Variants in ST6GAL1 observed in about 807,000 individuals in gnomAD.
ST6GAL1 encodes ST6 beta-galactoside alpha-2,6-sialyltransferase 1.
A neutral mutation model predicts 38.0 loss-of-function variants in ST6GAL1; 20 were observed. The observed-to-expected ratio is 0.53, with a 90% CI of 0.37 to 0.77. The LOEUF is 0.77. Among genes scored for constraint, ST6GAL1 ranks in the 30% least tolerant of loss-of-function variants. The pLI, the probability that ST6GAL1 is intolerant of heterozygous loss-of-function variation, is 0.00. For synonymous variants in ST6GAL1, 196 were observed against 188.2 expected (o/e 1.04, Z -0.34); for missense variants, 432 against 496.4 (o/e 0.87, Z 1.23).
chr3:186,955,102 G>A (rs1400236703), intron 1 of ST6GAL1, among the ~76,000 whole-genome samples: 1 of 152,178 alleles, frequency 6.6e-6, no homozygotes, highest in African/African-American at 2.4e-5. Context: ...TTTTCCCATT[G>A]CTAGTTTTTG....
chr3:186,977,649 C>T (rs189623090), intron 2 of ST6GAL1, among the ~76,000 whole-genome samples: 56 of 152,302 alleles, frequency 3.7e-4, no homozygotes, highest in African/African-American at 1.3e-3. Flanking sequence ...ACGCAGGAGA[C>T]ACAGCCGTCC....
rs112812625 is a variant in ST6GAL1, at chr3:187,075,859, C to A, written c.*56C>A. ...ATTAAATGAATGGTCTCTTGGCCAC[C>A]CCAGCCTGGGAAGAACATTTTCCTG... On this transcript the variant is annotated 3_prime_UTR_variant, in exon 8 of 8. Transcript: ENST00000169298. The surrounding 1 kb of genome is among the most constrained non-coding windows in gnomAD (Gnocchi z 4.1). The A allele has an allele frequency of 2.6e-3, 4,192 of 1,600,202 alleles. 17 individuals are homozygous for A. Among genetic ancestry groups the A allele is most frequent in the Middle Eastern group, 0.015 (88 of 5,894 alleles).
chr3:187,034,781 A>G (rs1233889962), intron 2 of ST6GAL1, among the ~76,000 whole-genome samples: 1 of 152,194 alleles, frequency 6.6e-6, no homozygotes, highest in Non-Finnish European at 1.5e-5. Flanking sequence ...ATCTATAACA[A>G]ATCCACAGCC....
chr3:186,997,754 C>G (rs1387767681), intron 2 of ST6GAL1, among the ~76,000 whole-genome samples: 1 of 94,280 alleles, frequency 1.1e-5, no homozygotes, highest in African/African-American at 4.2e-5. Context: ...GACTCTGTCT[C>G]AAAAAGAAAA....
At chr3:187,020,151 G>C (rs1002364826) in intron 2 of ST6GAL1, among the ~76,000 whole-genome samples, 1 of 152,136 alleles carries the variant, frequency 6.6e-6, no homozygotes, top group South Asian at 2.1e-4. Flanking sequence ...ACAAAAATTA[G>C]CCGGGCGTGG....
chr3:187,068,898 C>A (rs923073172), intron 5 of ST6GAL1, among the ~76,000 whole-genome samples: 1 of 152,162 alleles, frequency 6.6e-6, no homozygotes, highest in Admixed American at 6.5e-5. Flanking sequence ...GAGTACTGGC[C>A]CTCTGTCCTC....
chr3:186,935,470 G>T (rs560569443), intron 1 of ST6GAL1, among the ~76,000 whole-genome samples: 2 of 152,082 alleles, frequency 1.3e-5, no homozygotes, highest in African/African-American at 4.8e-5. Context: ...ACATATGCGC[G>T]CATGTGTCTT....
intron 5 of ST6GAL1, among the ~76,000 whole-genome samples, chr3:187,052,739 A>T (rs1176594057): frequency 6.6e-6 from 1 of 152,214 alleles, no homozygotes; most frequent in Non-Finnish European, 1.5e-5. Context: ...GCTATTGTGA[A>T]TACTGCCACA....
chr3:186,955,900 T>C (rs1396218862), intron 1 of ST6GAL1, among the ~76,000 whole-genome samples: 5 of 152,196 alleles, frequency 3.3e-5, no homozygotes, highest in African/African-American at 9.7e-5. Context: ...TTATTCTCTT[T>C]GTAGCAATTG....
chr3:187,009,271 A>C (rs142861482), intron 2 of ST6GAL1, among the ~76,000 whole-genome samples: 12 of 152,216 alleles, frequency 7.9e-5, no homozygotes, highest in Admixed American at 2.6e-4. Context: ...TAATGGTACT[A>C]TGGTCGTATT....
chr3:186,986,454 A>T (rs766757276), intron 2 of ST6GAL1: 1 of 153,040 alleles, frequency 6.5e-6, no homozygotes, highest in Non-Finnish European at 1.5e-5. Context: ...AACAGCAACA[A>T]TGACCACCAC....
intron 2 of ST6GAL1, among the ~76,000 whole-genome samples, chr3:187,028,273 T>G (rs919249698): frequency 6.6e-6 from 1 of 152,212 alleles, no homozygotes; most frequent in African/African-American, 2.4e-5. Flanking sequence ...ATATGACTTC[T>G]CTAAAGTCAT....
chr3:186,955,184 G>T (rs1194905660), intron 1 of ST6GAL1, among the ~76,000 whole-genome samples: 1 of 152,134 alleles, frequency 6.6e-6, no homozygotes, highest in Non-Finnish European at 1.5e-5. Flanking sequence ...TGTCCCATTG[G>T]TCTGTGTGTC....
intron 4 of ST6GAL1, among the ~76,000 whole-genome samples, chr3:187,044,600 G>GTATC (rs1182694588): frequency 6.6e-6 from 1 of 152,168 alleles, no homozygotes; most frequent in East Asian, 1.9e-4. Context: ...ATGGAGCTAA[G>GTATC]TTTCTTTCTT....
Position 187,077,188 on chromosome 3 carries a change from C to A in ST6GAL1, c.*1385C>A, listed in dbSNP as rs996592384. 7.7e-6 allele frequency: 3 copies of A among 389,978 alleles called. No individual in the cohort carries two copies. The highest frequency in any genetic ancestry group is 6.2e-5 in the African/African-American group (3 of 48,338). 24.2% of individuals were successfully genotyped at this position (389,978 alleles called of 1,614,324 possible). On this transcript the variant is annotated 3_prime_UTR_variant, in exon 8 of 8. Coordinates refer to ENST00000169298, the MANE Select transcript of ST6GAL1 (RefSeq NM_173216.2). ...AGATTGCAATGCTCTGCACCTCTTC[C>A]TTGCAAGTGAGCAACTTCAGGCTCT...
At chr3:187,070,362 C>A (rs1719319311) in intron 5 of ST6GAL1, among the ~76,000 whole-genome samples, 2 of 151,140 alleles carry the variant, frequency 1.3e-5, no homozygotes, top group South Asian at 4.2e-4. Flanking sequence ...GTCTCAGACA[C>A]CCCCTCTCTC....
intron 2 of ST6GAL1, among the ~76,000 whole-genome samples, chr3:186,972,113 A>G (rs1715367998): frequency 6.6e-6 from 1 of 152,246 alleles, no homozygotes; most frequent in African/African-American, 2.4e-5. Context: ...GGTACAATTT[A>G]TAACTCCATT....
rs923472863 is a variant in ST6GAL1, at chr3:186,963,616, C to G, written c.-324-169C>G. 2.0e-5 allele frequency among the ~76,000 whole-genome samples: 3 copies of G among 152,286 alleles called. No individual in the cohort carries two copies. The East Asian group carries it at 5.8e-4, about 29-fold the overall frequency. On this transcript the variant is annotated intron_variant, in intron 1 of 7. Transcript: ENST00000169298. Reference sequence around the variant, plus strand: ...GCAACTTACTCTCAAATTGTACAACCCCAGAGGGATGAGTCTGGGTGAACA... The same window carrying G: ...GCAACTTACTCTCAAATTGTACAACGCCAGAGGGATGAGTCTGGGTGAACA...
chr3:186,937,559 C>T (rs566238791), intron 1 of ST6GAL1, among the ~76,000 whole-genome samples: 21 of 152,260 alleles, frequency 1.4e-4, no homozygotes, highest in African/African-American at 5.1e-4. Context: ...ATTTGAGTGC[C>T]CACTCTAAAC....
Sources: gnomAD v4.1 joint callset for allele counts (sites outside exome capture counted in the v4.1 genomes callset) on GRCh38, gnomAD v4.1.1 for gene constraint, Gnocchi (gnomAD v3.1) non-coding constraint, MANE v1.5 for transcripts, NCBI Gene and HGNC (gene_info 2026-07-23, HGNC 2026-07-21) for gene names.